The following CLIC5 variants were observed in gnomAD, a reference collection of about 807,000 sequenced individuals.
CLIC5 encodes the protein CLIC family member 5.
In CLIC5, 20 loss-of-function variants were observed where a neutral mutation model predicts 24.7. That is an observed-to-expected ratio of 0.81 (90% confidence interval 0.57 to 1.18). The LOEUF is 1.18. Ranked by LOEUF, CLIC5 falls within the 50% of genes most tolerant of loss-of-function variation. The probability of loss-of-function intolerance (pLI) is 0.00; values close to 1 mark genes in which losing one functional copy is unlikely to be tolerated. For synonymous variants in CLIC5, 159 were observed against 135.6 expected (o/e 1.17, Z -1.20); for missense variants, 341 against 326.1 (o/e 1.05, Z -0.35).
intron 1 of CLIC5, among the ~76,000 whole-genome samples, chr6:46,050,853 ATGTG>A (rs56660827): frequency 4.0e-5 from 6 of 148,674 alleles, no homozygotes; most frequent in Non-Finnish European, 8.9e-5. Flanking sequence ...GTGTGTGTGT[ATGTG>A]TGTGTGTGTG....
chr6:46,073,255 T>A, intron 1 of CLIC5, among the ~76,000 whole-genome samples: 1 of 152,214 alleles, frequency 6.6e-6, no homozygotes, highest in East Asian at 1.9e-4. Flanking sequence ...ACACACTTTT[T>A]AAACTGGAAA....
intron 1 of CLIC5, among the ~76,000 whole-genome samples, chr6:45,965,410 G>C (rs1764984666): frequency 6.6e-6 from 1 of 152,178 alleles, no homozygotes; most frequent in African/African-American, 2.4e-5. Flanking sequence ...TGAAGCTAAG[G>C]GATCAGGTCC....
chr6:45,899,286 A>G lies in CLIC5; in HGVS notation c.*3802T>C. The G allele has an allele frequency of 6.6e-6, 1 of 152,324 alleles. No homozygotes were observed. Among genetic ancestry groups the G allele is most frequent in the South Asian group, 2.1e-4 (1 of 4,816 alleles). The allele number at this position is 152,324 out of a possible 1,614,324, so 9.4% of individuals were successfully genotyped here. On this transcript the variant is annotated 3_prime_UTR_variant, in exon 6 of 6. Transcript: ENST00000339561. Reference sequence around the variant, plus strand: ...CTTAAGATTCTCCTTAATGTCATTTAAAAAAATAAGAAAGTGATCCCTTGG... The same window carrying G: ...CTTAAGATTCTCCTTAATGTCATTTGAAAAAATAAGAAAGTGATCCCTTGG...
Position 46,015,572 on chromosome 6 carries a change from G to C in CLIC5, c.-30C>G. ...TTGGCGCCCGGGGCTACCGTCCCGG[G>C]CCGGGGAGGCGCCACCTCTGCAGCA... On this transcript the variant is annotated 5_prime_UTR_variant, in exon 1 of 6. Transcript: ENST00000339561. 1 of 1,539,010 alleles carries C rather than the reference G, an allele frequency of 6.5e-7. No homozygotes were observed. Among genetic ancestry groups the C allele is most frequent in the Non-Finnish European group, 8.7e-7 (1 of 1,143,238 alleles).
At chr6:46,087,803 G>A in the CLIC5 span, among the ~76,000 whole-genome samples, 2 of 152,158 alleles carry the variant, frequency 1.3e-5, no homozygotes. Context: ...GGCATCCTCT[G>A]AGTCAGGGTG....
chr6:45,928,438 G>A (rs867558917), intron 4 of CLIC5, among the ~76,000 whole-genome samples: 7 of 152,146 alleles, frequency 4.6e-5, no homozygotes, highest in Admixed American at 3.3e-4. Context: ...CAGAAACTTG[G>A]AAAAAGTTTC....
intron 1 of CLIC5, among the ~76,000 whole-genome samples, chr6:46,048,349 G>A (rs1184314696): frequency 6.6e-6 from 1 of 152,092 alleles, no homozygotes; most frequent in Admixed American, 6.6e-5. Flanking sequence ...TTCTGAAGGA[G>A]GGCTCCTTAA....
intron 1 of CLIC5, among the ~76,000 whole-genome samples, chr6:45,987,383 G>T (rs999461746): frequency 6.6e-6 from 1 of 152,174 alleles, no homozygotes; most frequent in East Asian, 1.9e-4. Flanking sequence ...GAAACATGTT[G>T]TACACATGTC....
the CLIC5 span, among the ~76,000 whole-genome samples, chr6:46,106,893 C>A: frequency 2.0e-5 from 3 of 152,148 alleles, no homozygotes; most frequent in African/African-American, 7.2e-5. Context: ...AGTTTGAATC[C>A]AAATGCCTTT....
In CLIC5 at chr6:46,008,849, C is replaced by T. The variant is rs770115038; in HGVS notation, c.63+6631G>A. On this transcript the variant is annotated intron_variant, in intron 1 of 5. Transcript: ENST00000339561. ...AGCATATTGCCTTGGCTACCTCCAT[C>T]CTGTGAAATGCTTGTTTGAAGTAGC... Among the ~76,000 whole-genome samples, 26 of 152,278 alleles carry T rather than the reference C, an allele frequency of 1.7e-4. No individual in the cohort carries two copies. The South Asian group carries it at 3.1e-3, about 18-fold the overall frequency.
chr6:46,107,100 C>G, the CLIC5 span, among the ~76,000 whole-genome samples: 3 of 151,940 alleles, frequency 2.0e-5, no homozygotes, highest in Non-Finnish European at 4.4e-5. Flanking sequence ...TTTTAGTAAT[C>G]TTTCATAAAT....
chr6:46,121,756 A>C, the CLIC5 span, among the ~76,000 whole-genome samples: 2 of 152,168 alleles, frequency 1.3e-5, no homozygotes, highest in East Asian at 3.8e-4. Flanking sequence ...CAAATGAAAA[A>C]CAAAAAAAGG....
intron 1 of CLIC5, among the ~76,000 whole-genome samples, chr6:46,037,909 T>C (rs1442348469): frequency 2.6e-5 from 4 of 152,100 alleles, no homozygotes; most frequent in Non-Finnish European, 4.4e-5. Flanking sequence ...TTTTGCTGTG[T>C]GGGTGGAAGA....
chr6:46,101,519 T>C, the CLIC5 span, among the ~76,000 whole-genome samples: 1 of 152,148 alleles, frequency 6.6e-6, no homozygotes. Flanking sequence ...AAAAGCAGAA[T>C]CAAAAGACAA....
At chr6:46,033,916 T>A (rs1259250381) in intron 1 of CLIC5, among the ~76,000 whole-genome samples, 1 of 152,184 alleles carries the variant, frequency 6.6e-6, no homozygotes, top group Non-Finnish European at 1.5e-5. Flanking sequence ...GGCCAAAAAA[T>A]GCTATGTTAA....
At chr6:45,881,340 G>T (rs1762261073) in intron 6 of CLIC5, among the ~76,000 whole-genome samples, 1 of 152,112 alleles carries the variant, frequency 6.6e-6, no homozygotes, top group Admixed American at 6.5e-5. Context: ...ATTCATAAAG[G>T]TAAAGGTAAC....
At chr6:45,951,374 G>A (rs1764462943) in intron 2 of CLIC5, among the ~76,000 whole-genome samples, 2 of 152,198 alleles carry the variant, frequency 1.3e-5, no homozygotes, top group Admixed American at 1.3e-4. Context: ...ACAATTAATT[G>A]AACTTCCTGC....
At chr6:46,077,966 G>T (rs1254616448) in intron 1 of CLIC5, among the ~76,000 whole-genome samples, 1 of 151,998 alleles carries the variant, frequency 6.6e-6, no homozygotes, top group African/African-American at 2.4e-5. Context: ...ATGTCAGATG[G>T]GTCCATGATG....
the CLIC5 span, among the ~76,000 whole-genome samples, chr6:46,126,635 G>A: frequency 6.6e-6 from 1 of 152,084 alleles, no homozygotes; most frequent in Non-Finnish European, 1.5e-5. Context: ...GATTCATAAG[G>A]TCCTTTTCCC....
Sources: gnomAD v4.1 joint callset for allele counts (sites outside exome capture counted in the v4.1 genomes callset) on GRCh38, gnomAD v4.1.1 for gene constraint, MANE v1.5 for transcripts, NCBI Gene and HGNC (gene_info 2026-07-23, HGNC 2026-07-21) for gene names.